Variants in PTPRM observed in about 807,000 individuals in gnomAD.
PTPRM encodes protein tyrosine phosphatase receptor type M.
A neutral mutation model predicts 186.7 loss-of-function variants in PTPRM; 47 were observed. The ratio of observed to expected loss-of-function variants is 0.25; its 90% CI spans 0.20 to 0.32. The LOEUF is 0.32. Ranked by LOEUF, PTPRM falls within the 10% of genes least tolerant of loss-of-function variation. The pLI, the probability that PTPRM is intolerant of heterozygous loss-of-function variation, is 1.00. For synonymous variants in PTPRM, 668 were observed against 674.9 expected, an observed-to-expected ratio of 0.99 and a Z score of 0.16; for missense variants, 1,494 against 1,865.0, an observed-to-expected ratio of 0.80 and a Z score of 3.66.
chr18:7,706,474 C>T (rs1221925548), intron 1 of PTPRM, among the ~76,000 whole-genome samples: 1 of 151,504 alleles, frequency 6.6e-6, no homozygotes, highest in Non-Finnish European at 1.5e-5. Flanking sequence ...TGGTGGTGCA[C>T]CTCTGTAATC....
intron 7 of PTPRM, among the ~76,000 whole-genome samples, chr18:8,007,926 C>G (rs2084287359): frequency 6.6e-6 from 1 of 152,114 alleles, no homozygotes; most frequent in South Asian, 2.1e-4. Context: ...TCATTGAGTT[C>G]CCCTTGGTAA....
intron 14 of PTPRM, among the ~76,000 whole-genome samples, chr18:8,217,598 G>T (rs1048710445): frequency 6.6e-6 from 1 of 152,142 alleles, no homozygotes; most frequent in Non-Finnish European, 1.5e-5. Context: ...AATTAGAATG[G>T]TTATATTGTT....
chr18:8,086,092 T>C (rs2090419053), intron 10 of PTPRM, among the ~76,000 whole-genome samples: 1 of 152,170 alleles, frequency 6.6e-6, no homozygotes, highest in Admixed American at 6.6e-5. Context: ...GCTATTGTTT[T>C]AGCAGGGCGT....
In PTPRM at chr18:7,656,037, G is replaced by T. The variant is rs183382135; in HGVS notation, c.73+88146G>T. On this transcript the variant is annotated intron_variant, in intron 1 of 32. Coordinates refer to ENST00000580170, the MANE Select transcript of PTPRM (RefSeq NM_001105244.2). ...TGGCAGTTCCTCAAAAAACTAAAAA[G>T]AGAATGATCCAACATTGGATGCAAC... Among the ~76,000 whole-genome samples, 3 of 152,228 alleles carry T rather than the reference G, an allele frequency of 2.0e-5. No individual in the cohort carries two copies. The East Asian group carries it at 5.8e-4, about 29-fold the overall frequency.
intron 7 of PTPRM, among the ~76,000 whole-genome samples, chr18:8,034,266 A>G (rs1210091070): frequency 6.6e-6 from 1 of 152,054 alleles, no homozygotes; most frequent in Non-Finnish European, 1.5e-5. Flanking sequence ...CCCATGTGTA[A>G]AATACGTTCA....
At position 8,376,122 on chromosome 18, in the gene PTPRM, C is replaced by G; in HGVS notation, c.3248C>G (p.Ala1083Gly). 2 of 1,614,086 alleles carry G rather than the reference C, an allele frequency of 1.2e-6. No homozygotes were observed. The highest frequency in any genetic ancestry group is 1.7e-6 in the Non-Finnish European group (2 of 1,180,014). Residue 1083 changes from alanine to glycine, a missense_variant, in exon 25 of 33, where the codon GCC (alanine) becomes GGC (glycine). By Grantham distance (60) the Ala-to-Gly change is moderately conservative. Transcript: ENST00000580170. ...GWPDHGVPYH[A>G]TGLLGFVRQV... The stretch of plus-strand genomic sequence containing the variant: ...CCGGATCATGGGGTCCCCTACCATG[C>G]CACCGGCCTGCTGGGATTCGTGCGG...
At chr18:7,720,935 C>T (rs2040433950) in intron 1 of PTPRM, among the ~76,000 whole-genome samples, 1 of 152,084 alleles carries the variant, frequency 6.6e-6, no homozygotes, top group African/African-American at 2.4e-5. Context: ...CTGCAATGAA[C>T]ATGGGTATAC....
chr18:8,378,049 T>C (rs937761036), intron 26 of PTPRM: 3 of 493,332 alleles, frequency 6.1e-6, no homozygotes, highest in Non-Finnish European at 1.1e-5. Flanking sequence ...GGTGCTGCAG[T>C]GCGTGTGGTG....
chr18:8,133,808 TTTTG>T (rs2092572329), intron 13 of PTPRM, among the ~76,000 whole-genome samples: 2 of 152,116 alleles, frequency 1.3e-5, no homozygotes, highest in East Asian at 3.8e-4. Flanking sequence ...TTGGATTTGA[TTTTG>T]TTTTTTTAAA....
At chr18:8,352,662 G>T (rs12957390) in intron 23 of PTPRM, among the ~76,000 whole-genome samples, 28,991 of 89,608 alleles carry the variant, frequency 0.32, 3,483 homozygotes, top group East Asian at 0.37. Context: ...GGTTTTTTTT[G>T]TTTGTTTGTT....
intron 19 of PTPRM, among the ~76,000 whole-genome samples, chr18:8,295,977 A>G (rs184573792): frequency 6.0e-4 from 91 of 152,354 alleles, no homozygotes; most frequent in African/African-American, 2.1e-3. Flanking sequence ...TTAGGGAGAA[A>G]AAGACATCAC....
chr18:7,615,982 T>C (rs2143909593), intron 1 of PTPRM, among the ~76,000 whole-genome samples: 2 of 152,200 alleles, frequency 1.3e-5, no homozygotes, highest in South Asian at 4.1e-4. Context: ...TATGAGAATC[T>C]GACACTGCTG....
intron 14 of PTPRM, among the ~76,000 whole-genome samples, chr18:8,228,527 A>G (rs1039101687): frequency 6.6e-6 from 1 of 152,152 alleles, no homozygotes; most frequent in African/African-American, 2.4e-5. Context: ...ATGTATTTAT[A>G]TTCCTCTTTA....
intron 7 of PTPRM, among the ~76,000 whole-genome samples, chr18:8,016,885 C>G (rs2084903674): frequency 6.6e-6 from 1 of 152,194 alleles, no homozygotes; most frequent in Non-Finnish European, 1.5e-5. Context: ...ATGCCTCTGC[C>G]TCTCTTCATT....
intron 1 of PTPRM, among the ~76,000 whole-genome samples, chr18:7,584,652 T>C (rs2036930915): frequency 6.6e-6 from 1 of 152,212 alleles, no homozygotes; most frequent in South Asian, 2.1e-4. Flanking sequence ...TATTCTCTCA[T>C]GCCTCAGTTC....
intron 21 of PTPRM, among the ~76,000 whole-genome samples, chr18:8,315,792 ATG>A (rs904771769): frequency 2.0e-5 from 3 of 152,204 alleles, no homozygotes; most frequent in Admixed American, 6.5e-5. Context: ...AACTATGAGA[ATG>A]TTATCTTTAG....
intron 13 of PTPRM, among the ~76,000 whole-genome samples, chr18:8,128,524 C>T (rs968275101): frequency 3.3e-5 from 5 of 152,100 alleles, no homozygotes; most frequent in African/African-American, 1.2e-4. Context: ...TACCAGCTGA[C>T]TGCATTTTAA....
chr18:8,255,759 G>A (rs894817221), intron 19 of PTPRM, among the ~76,000 whole-genome samples: 6 of 152,290 alleles, frequency 3.9e-5, no homozygotes, highest in African/African-American at 7.2e-5. Context: ...ACTGAGTACC[G>A]TGCCCCTTGT....
chr18:8,238,458 T>G (rs999445644), intron 14 of PTPRM, among the ~76,000 whole-genome samples: 1 of 152,080 alleles, frequency 6.6e-6, no homozygotes, highest in Non-Finnish European at 1.5e-5. Context: ...TTTTTTGGCT[T>G]TCTTAGAATT....
Sources: allele counts gnomAD v4.1 joint callset (sites outside exome capture counted in the v4.1 genomes callset), GRCh38; gene constraint gnomAD v4.1.1; transcripts MANE v1.5; gene names NCBI Gene and HGNC (gene_info 2026-07-23, HGNC 2026-07-21).